The following ETS1 variants were observed in gnomAD, a reference collection of about 807,000 sequenced individuals.
The protein encoded by ETS1 is ETS proto-oncogene 1, transcription factor.
A neutral mutation model predicts 58.6 loss-of-function variants in ETS1; 15 were observed. The ratio of observed to expected loss-of-function variants is 0.26; its 90% CI spans 0.17 to 0.39. ETS1 has a LOEUF of 0.39. ETS1 is among the 10% of genes least tolerant of loss of function. The probability of loss-of-function intolerance (pLI) is 1.00; values close to 1 mark genes in which losing one functional copy is unlikely to be tolerated. For missense variants in ETS1, 417 were observed against 610.5 expected, an observed-to-expected ratio of 0.68 and a Z score of 3.34; for synonymous variants, 214 against 218.2, an observed-to-expected ratio of 0.98 and a Z score of 0.17.
chr11:128,580,926 T>C (rs368400556), intron 1 of ETS1, among the ~76,000 whole-genome samples: 3 of 152,330 alleles, frequency 2.0e-5, no homozygotes, highest in African/African-American at 7.2e-5. Context: ...TGAATTGACA[T>C]AGCTCAACGA....
chr11:128,481,455 A>C (rs919689056), intron 7 of ETS1, among the ~76,000 whole-genome samples: 19 of 152,212 alleles, frequency 1.2e-4, no homozygotes, highest in African/African-American at 4.6e-4. Context: ...TTTGGAGGAA[A>C]ACAAATGAAT....
At chr11:128,522,297 TCGCTCTCGATCTCCCGGC>T (rs1379116772) in intron 3 of ETS1, 3 of 1,083,808 alleles carry the variant, frequency 2.8e-6, no homozygotes, top group Non-Finnish European at 2.2e-6. Flanking sequence ...GCTGCCTCGT[TCGCTCTCGATCTCCCGGC>T]CGCTCTCCCT....
chr11:128,569,895 T>G (rs775083892), intron 2 of ETS1, among the ~76,000 whole-genome samples: 3 of 152,220 alleles, frequency 2.0e-5, no homozygotes, highest in Admixed American at 6.5e-5. Context: ...CAAGCAACTT[T>G]GAACTTTTTA....
At chr11:128,494,851 G>A (rs1862896665) in intron 3 of ETS1, among the ~76,000 whole-genome samples, 1 of 152,138 alleles carries the variant, frequency 6.6e-6, no homozygotes, top group Non-Finnish European at 1.5e-5. Flanking sequence ...GTTAGGAGAT[G>A]AGGGATACAG....
chr11:128,577,512 T>G (rs1222332997), intron 1 of ETS1, among the ~76,000 whole-genome samples: 3 of 152,246 alleles, frequency 2.0e-5, no homozygotes, highest in African/African-American at 7.2e-5. Context: ...CCCTGGATCC[T>G]AGGCCAGTAT....
chr11:128,569,217 A>C (rs1309883339), intron 2 of ETS1, among the ~76,000 whole-genome samples: 1 of 151,658 alleles, frequency 6.6e-6, no homozygotes, highest in Non-Finnish European at 1.5e-5. Context: ...GGCATTGCCA[A>C]ATATCCCTTT....
At chr11:128,575,931 T>C (rs553061150) in intron 1 of ETS1, among the ~76,000 whole-genome samples, 5 of 152,248 alleles carry the variant, frequency 3.3e-5, no homozygotes, top group African/African-American at 1.2e-4. Flanking sequence ...CAAGGGTTTC[T>C]GTCTGCTGGC....
intron 2 of ETS1, chr11:128,572,023 A>C (rs538982400): frequency 5.3e-5 from 8 of 151,206 alleles, no homozygotes; most frequent in African/African-American, 1.9e-4. Flanking sequence ...CAGCCTGGGC[A>C]ACAGAGCGAG....
At chr11:128,571,501 CAAAAAAAAAAAAAAAAAAAAAAAAA>C (rs563312769) in intron 2 of ETS1, among the ~76,000 whole-genome samples, 12 of 32,896 alleles carry the variant, frequency 3.6e-4, no homozygotes, top group Non-Finnish European at 4.6e-4. Flanking sequence ...AAGACTCCGT[CAAAAAAAAAAAAAAAAAAAAAAAAA>C]AAAAAAAAAA....
At chr11:128,517,481 G>A (rs1863556369) in intron 3 of ETS1, among the ~76,000 whole-genome samples, 1 of 152,204 alleles carries the variant, frequency 6.6e-6, no homozygotes, top group African/African-American at 2.4e-5. Flanking sequence ...AAGCATAAAA[G>A]TGCTCTTTTA....
chr11:128,556,350 G>T lies in ETS1; in HGVS notation c.155C>A (p.Pro52His), dbSNP rs777454068. The T allele has an allele frequency of 4.3e-6, 7 of 1,613,258 alleles. No homozygotes were observed. Among genetic ancestry groups the T allele is most frequent in the Admixed American group, 1.7e-5 (1 of 59,964 alleles). The change falls in exon 3 of 10, where the codon CCC (proline) becomes CAC (histidine). Residue 52 changes from proline (P) to histidine (H), a missense_variant. Transcript: ENST00000392668. ...SNYHQQRPCYPFWDEMATQEV... is the reference protein window; with the variant it reads ...SNYHQQRPCYHFWDEMATQEV... The stretch of plus-strand genomic sequence containing the variant: ...CTGAGTTGCCATCTCATCCCAAAAG[G>T]GGTAGCAAGGTCTTTGCTGGTGATA...
At chr11:128,471,593 T>C (rs11600915) in intron 8 of ETS1, among the ~76,000 whole-genome samples, 15,888 of 152,274 alleles carry the variant, frequency 0.1, 1,176 homozygotes, top group Non-Finnish European at 0.16. Context: ...TGGGTTTCTT[T>C]ATAGCTCTTT....
rs1456952373 is a variant in ETS1 at position 128,459,282 on chromosome 11, T to G, written c.*3079A>C. On this transcript the variant is annotated 3_prime_UTR_variant, in exon 10 of 10. Transcript: ENST00000392668. ...TAGGTAAGAGTTCAACAAATTTATA[T>G]AGACCCCAACAGAGTAAGCGGCATG... 1.3e-5 allele frequency: 2 copies of G among 152,666 alleles called. No individual in the cohort carries two copies. The highest frequency in any genetic ancestry group is 2.9e-5 in the Non-Finnish European group (2 of 68,020). 9.5% of individuals were successfully genotyped at this position (152,666 alleles called of 1,614,324 possible). A position where few individuals can be genotyped will look rare whatever the true frequency, so the allele number is the denominator to read the frequency against.
chr11:128,545,104 C>G (rs578235431), intron 3 of ETS1, among the ~76,000 whole-genome samples: 1 of 152,076 alleles, frequency 6.6e-6, no homozygotes, highest in Non-Finnish European at 1.5e-5. Flanking sequence ...TAACTGAATG[C>G]CCAACAAAGG....
chr11:128,522,223 C>T (rs764766350), intron 3 of ETS1: 210 of 1,221,672 alleles, frequency 1.7e-4, no homozygotes, highest in Non-Finnish European at 2.0e-4. Flanking sequence ...CGGGTCCCAG[C>T]CTCGCCCGCG....
chr11:128,473,227 G>C (rs1171697617), intron 8 of ETS1, among the ~76,000 whole-genome samples: 1 of 152,184 alleles, frequency 6.6e-6, no homozygotes, highest in Non-Finnish European at 1.5e-5. Flanking sequence ...TACGCCCCAT[G>C]ACACTGCCAG....
intron 7 of ETS1, 50 bp from the exon 8 acceptor site, chr11:128,480,501 GAAA>G (rs367685769): frequency 9.4e-7 from 1 of 1,060,836 alleles, no homozygotes; most frequent in Non-Finnish European, 1.4e-6. Context: ...GAGGGAGTGG[GAAA>G]AAAAAAAAAC....
At chr11:128,476,597 T>C (rs987324503) in intron 8 of ETS1, among the ~76,000 whole-genome samples, 11 of 152,232 alleles carry the variant, frequency 7.2e-5, no homozygotes, top group African/African-American at 2.4e-4. Flanking sequence ...ACCCATTATA[T>C]TATTCTATAC....
In ETS1 at chr11:128,480,409, T is replaced by C. The variant is rs547347627; in HGVS notation, c.905A>G (p.Tyr302Cys). 1 of 1,613,750 alleles carries C rather than the reference T, an allele frequency of 6.2e-7. No individual in the cohort carries two copies. Among genetic ancestry groups the C allele is most frequent in the Non-Finnish European group, 8.5e-7 (1 of 1,179,956 alleles). The change falls in exon 8 of 10, where the codon TAC becomes TGC. Residue 302 changes from tyrosine to cysteine, a missense_variant. Physicochemically the swap from Tyr to Cys is radical, Grantham distance 194. Around this residue, in one of 4 missense-constraint regions of ETS1, gnomAD observed 139 missense variants for 152.1 expected, o/e 0.91. Coordinates refer to ENST00000392668, the MANE Select transcript of ETS1 (RefSeq NM_001143820.2). The part of the protein sequence containing the change: ...GQDSFESIES[Y>C]DSCDRLTQSW... ...CTGGGTGAGGCGATCACAACTATCG[T>C]AGCTCTCTATGCTTTCAAAAGAGTC...
Sources: gnomAD v4.1 joint callset for allele counts (sites outside exome capture counted in the v4.1 genomes callset) on GRCh38, gnomAD v4.1.1 for gene constraint, gnomAD v4.1.1 regional missense constraint, MANE v1.5 for transcripts, NCBI Gene and HGNC (gene_info 2026-07-23, HGNC 2026-07-21) for gene names.